The following CDH17 variants were observed in gnomAD, a reference collection of about 807,000 sequenced individuals.
CDH17 encodes the protein cadherin-17.
A neutral mutation model predicts 86.3 loss-of-function variants in CDH17; 67 were observed. That is an observed-to-expected ratio of 0.78 (90% CI 0.64 to 0.95). The LOEUF (loss-of-function observed/expected upper bound fraction) is 0.95, where lower values mean the gene tolerates loss of function less well. Among genes scored for constraint, CDH17 ranks in the 40% least tolerant of loss-of-function variants. The pLI, the probability that CDH17 is intolerant of heterozygous loss-of-function variation, is 0.00. For synonymous variants in CDH17, 367 were observed against 366.4 expected, an observed-to-expected ratio of 1.00 and a Z score of -0.02; for missense variants, 993 against 1,017.6, an observed-to-expected ratio of 0.98 and a Z score of 0.33.
At position 94,128,166 on chromosome 8, in the gene CDH17, T is replaced by C. The variant is rs1040558738; in HGVS notation, c.*74A>G. Reference sequence around the variant, plus strand: ...TTAAAAAATTATAATGCACGTTAGATGAAAAGTAATAGGATGAGATGGTTG... The same window carrying C: ...TTAAAAAATTATAATGCACGTTAGACGAAAAGTAATAGGATGAGATGGTTG... On this transcript the variant is annotated 3_prime_UTR_variant, in exon 18 of 18. Coordinates refer to ENST00000027335, the MANE Select transcript of CDH17 (RefSeq NM_004063.4). 9 of 909,432 alleles carry C rather than the reference T, an allele frequency of 9.9e-6. No homozygotes were observed. The highest frequency in any genetic ancestry group is 3.8e-5 in the Admixed American group (2 of 52,258). The allele number at this position is 909,432 out of a possible 1,614,324, so 56.3% of individuals were successfully genotyped here.
At chr8:94,133,047 C>A (rs1459417790) in intron 15 of CDH17, among the ~76,000 whole-genome samples, 1 of 152,154 alleles carries the variant, frequency 6.6e-6, no homozygotes, top group Non-Finnish European at 1.5e-5. Flanking sequence ...GGTACCAGTA[C>A]CATGCTGTTT....
At chr8:94,177,870 T>C (rs947547650) in intron 3 of CDH17, 149 bp from the exon 4 acceptor site, 6 of 712,100 alleles carry the variant, frequency 8.4e-6, no homozygotes, top group Non-Finnish European at 1.4e-5. Context: ...CTTCTAAAAG[T>C]TTGTTTGCAC....
At position 94,168,140 on chromosome 8, in the gene CDH17, A is replaced by ACG. The variant is rs1563576906; in HGVS notation, c.1067-2165_1067-2164insCG. On this transcript the variant is annotated intron_variant, in intron 9 of 17. Coordinates refer to ENST00000027335, the MANE Select transcript of CDH17 (RefSeq NM_004063.4). ...TATATATATATATATATATATATAT[A>ACG]TATATATATATATATATTTGTGTGT... Among the ~76,000 whole-genome samples the ACG allele has an allele frequency of 9.9e-4, 50 of 50,672 alleles. 4 individuals are homozygous for ACG. Among genetic ancestry groups the ACG allele is most frequent in the African/African-American group, 3.2e-3 (48 of 14,914 alleles). 33.2% of individuals were successfully genotyped at this position (50,672 alleles called of 152,430 possible). A position where few individuals can be genotyped will look rare whatever the true frequency, so the allele number is the denominator to read the frequency against.
chr8:94,208,794 T>G (rs1194692924), upstream of CDH17, among the ~76,000 whole-genome samples: 3 of 152,196 alleles, frequency 2.0e-5, no homozygotes, highest in African/African-American at 4.8e-5. Context: ...GATGAGTCAA[T>G]GAAAAGACAA....
chr8:94,200,127 A>G (rs1354804634), intron 1 of CDH17, among the ~76,000 whole-genome samples: 1 of 152,184 alleles, frequency 6.6e-6, no homozygotes, highest in African/African-American at 2.4e-5. Context: ...AAACTACACT[A>G]GTGCTAGGAT....
At chr8:94,163,477 C>G (rs1452698356) in intron 10 of CDH17, among the ~76,000 whole-genome samples, 2 of 152,216 alleles carry the variant, frequency 1.3e-5, no homozygotes, top group Non-Finnish European at 2.9e-5. Context: ...CCGTTGCCAA[C>G]AGCCCTCTTC....
At chr8:94,189,104 C>T in intron 3 of CDH17, 83 bp downstream of exon 3, 7 of 936,584 alleles carry the variant, frequency 7.5e-6, no homozygotes, top group East Asian at 5.0e-5. Context: ...ATTTTATTTC[C>T]TGCTATACAA....
intron 1 of CDH17, among the ~76,000 whole-genome samples, chr8:94,203,260 G>T (rs926885966): frequency 6.6e-6 from 1 of 152,128 alleles, no homozygotes; most frequent in African/African-American, 2.4e-5. Context: ...AGCATGAAGG[G>T]CTTTGAATTA....
At chr8:94,135,229 T>A (rs1812498933) in intron 15 of CDH17, among the ~76,000 whole-genome samples, 1 of 152,234 alleles carries the variant, frequency 6.6e-6, no homozygotes, top group South Asian at 2.1e-4. Context: ...ACCTTCTGTC[T>A]CATTGATATG....
chr8:94,137,204 A>AGAAGTTATCTGCTACC (rs1316628486), intron 15 of CDH17, among the ~76,000 whole-genome samples: 2 of 152,220 alleles, frequency 1.3e-5, no homozygotes, highest in East Asian at 3.8e-4. Flanking sequence ...TTAAGTCTGC[A>AGAAGTTATCTGCTACC]GAAGTTATCT....
At chr8:94,156,961 C>A (rs550618009) in intron 12 of CDH17, among the ~76,000 whole-genome samples, 1 of 152,308 alleles carries the variant, frequency 6.6e-6, no homozygotes, top group East Asian at 1.9e-4. Context: ...TAAGTGGCAA[C>A]ACCAGGACTC....
chr8:94,188,492 A>C (rs1813624207), intron 3 of CDH17, among the ~76,000 whole-genome samples: 2 of 152,144 alleles, frequency 1.3e-5, no homozygotes, highest in African/African-American at 4.8e-5. Context: ...AAGGCTCATC[A>C]GCATCCTCCA....
intron 1 of CDH17, among the ~76,000 whole-genome samples, chr8:94,206,054 T>C (rs1814020381): frequency 6.6e-6 from 1 of 152,132 alleles, no homozygotes; most frequent in South Asian, 2.1e-4. Flanking sequence ...CTCAGAAATA[T>C]CATGAATGAG....
intron 15 of CDH17, among the ~76,000 whole-genome samples, chr8:94,136,197 G>A (rs1314356952): frequency 1.3e-5 from 2 of 152,082 alleles, no homozygotes; most frequent in Non-Finnish European, 2.9e-5. Context: ...TTGAATGTTG[G>A]CCTGCCTTGC....
chr8:94,186,466 G>A (rs1813582649), intron 3 of CDH17, among the ~76,000 whole-genome samples: 1 of 152,270 alleles, frequency 6.6e-6, no homozygotes, highest in African/African-American at 2.4e-5. Flanking sequence ...CACCTTTCAT[G>A]TGTCCTTACA....
chr8:94,195,399 C>T (rs557866940), intron 1 of CDH17, among the ~76,000 whole-genome samples: 38 of 152,230 alleles, frequency 2.5e-4, no homozygotes, highest in Admixed American at 2.3e-3. Context: ...TATGAGATTC[C>T]GCAAGTGAAA....
intron 1 of CDH17, among the ~76,000 whole-genome samples, chr8:94,216,563 G>GTTTTTTT (rs368207788): frequency 7.0e-6 from 1 of 142,028 alleles, no homozygotes; most frequent in Non-Finnish European, 1.5e-5. Context: ...CAGAGGGTTT[G>GTTTTTTT]TTTTTTTTTT....
chr8:94,187,174 A>T (rs1813597317), intron 3 of CDH17, among the ~76,000 whole-genome samples: 1 of 152,250 alleles, frequency 6.6e-6, no homozygotes, highest in Non-Finnish European at 1.5e-5. Context: ...AATTAGCTTC[A>T]TTTAGTCATT....
intron 15 of CDH17, among the ~76,000 whole-genome samples, chr8:94,141,878 A>G (rs1046324961): frequency 1.3e-5 from 2 of 152,188 alleles, no homozygotes; most frequent in Non-Finnish European, 2.9e-5. Flanking sequence ...ATTTATACAG[A>G]AATGAAAAAG....
Sources: allele counts gnomAD v4.1 joint callset (sites outside exome capture counted in the v4.1 genomes callset), GRCh38; gene constraint gnomAD v4.1.1; transcripts MANE v1.5; gene names NCBI Gene and HGNC (gene_info 2026-07-23, HGNC 2026-07-21).